Variants in NFIB observed in about 807,000 individuals in gnomAD.
The protein encoded by NFIB is nuclear factor I B.
NFIB carries 11 observed loss-of-function variants against 61.5 expected under a neutral mutation model. That is an observed-to-expected ratio of 0.18 (90% CI 0.11 to 0.30). The LOEUF (loss-of-function observed/expected upper bound fraction) is 0.30, where lower values mean the gene tolerates loss of function less well. Ranked by LOEUF, NFIB falls within the 10% of genes least tolerant of loss-of-function variation. NFIB has a pLI of 1.00. For synonymous variants in NFIB, 260 were observed against 216.5 expected (o/e 1.20, Z -1.76); for missense variants, 471 against 608.9 (o/e 0.77, Z 2.38).
At position 14,123,020 on chromosome 9, in the gene NFIB, G is replaced by A. The variant is rs545986505; in HGVS notation, c.1061-2396C>T. Among the ~76,000 whole-genome samples, 6 of 152,184 alleles carry A rather than the reference G, an allele frequency of 3.9e-5. No homozygotes were observed. The East Asian group carries it at 9.7e-4, about 25-fold the overall frequency. On this transcript the variant is annotated intron_variant, in intron 7 of 10. Transcript: ENST00000380953. ...TCCCAGCACTGTGGGAGGTCAGGGT[G>A]GGTGGAGTGGATCACTTGAGGTCAG...
At chr9:14,427,938 T>TG in the NFIB span, among the ~76,000 whole-genome samples, 14 of 56,402 alleles carry the variant, frequency 2.5e-4, no homozygotes, top group African/African-American at 1.4e-3. Flanking sequence ...AATTCAGTTG[T>TG]TTTTTTTTTT....
chr9:14,145,632 T>A (rs1267952795), intron 6 of NFIB, among the ~76,000 whole-genome samples: 5 of 149,868 alleles, frequency 3.3e-5, no homozygotes, highest in Non-Finnish European at 7.4e-5. Context: ...CTGAAAACCA[T>A]TATTCCTTTC....
the NFIB span, among the ~76,000 whole-genome samples, chr9:14,448,070 G>C: frequency 6.6e-6 from 1 of 152,144 alleles, no homozygotes; most frequent in African/African-American, 2.4e-5. Context: ...CTTGTGGTTT[G>C]ACCATATATG....
intron 2 of NFIB, among the ~76,000 whole-genome samples, chr9:14,269,518 T>C (rs1363715434): frequency 6.6e-6 from 1 of 152,216 alleles, no homozygotes; most frequent in Non-Finnish European, 1.5e-5. Flanking sequence ...CATATACATC[T>C]GTCAGGCTAT....
intron 2 of NFIB, among the ~76,000 whole-genome samples, chr9:14,212,728 T>C (rs2050445688): frequency 6.6e-6 from 1 of 152,184 alleles, no homozygotes; most frequent in Non-Finnish European, 1.5e-5. Context: ...ATTTAAGTTA[T>C]ATGATAAAAA....
At chr9:14,423,607 C>T in the NFIB span, among the ~76,000 whole-genome samples, 1 of 152,182 alleles carries the variant, frequency 6.6e-6, no homozygotes, top group Non-Finnish European at 1.5e-5. Context: ...TCCTCTCATC[C>T]ATCATTGTCC....
intron 10 of NFIB, among the ~76,000 whole-genome samples, chr9:14,111,984 T>C (rs1393249081): frequency 1.3e-5 from 2 of 152,112 alleles, no homozygotes; most frequent in Non-Finnish European, 2.9e-5. Context: ...ACAACAAGGG[T>C]ATGTGAGGTG....
At chr9:14,300,245 G>A in intron 2 of NFIB, 1 of 398,448 alleles carries the variant, frequency 2.5e-6, no homozygotes, top group Non-Finnish European at 4.4e-6. Flanking sequence ...GCTATGCTTG[G>A]CACTGGGGCA....
chr9:14,442,503 C>T, the NFIB span, among the ~76,000 whole-genome samples: 1 of 152,104 alleles, frequency 6.6e-6, no homozygotes, highest in Non-Finnish European at 1.5e-5. Flanking sequence ...AGAGACCGAT[C>T]GCCTCACAGT....
intron 7 of NFIB, among the ~76,000 whole-genome samples, chr9:14,121,882 T>C (rs1231163022): frequency 4.6e-5 from 7 of 152,118 alleles, no homozygotes; most frequent in Admixed American, 3.9e-4. Flanking sequence ...TTTTGAAATA[T>C]AAATCTTAAG....
At chr9:14,204,904 A>G (rs1292395497) in intron 2 of NFIB, 1 of 363,770 alleles carries the variant, frequency 2.7e-6, no homozygotes, top group Non-Finnish European at 5.2e-6. Flanking sequence ...AGCTGGTGGT[A>G]GCTATCAGAA....
At chr9:14,398,677 C>T (rs1348066050) in exon 1 of NFIB, 1 of 1,353,014 alleles carries the variant, frequency 7.4e-7, no homozygotes, top group East Asian at 2.6e-5. Context: ...TCTGCTTCTG[C>T]CATTTGCGCT....
Position 14,231,135 on chromosome 9 carries a change from AATATATATATATAT to A in NFIB, c.563-51369_563-51356del, listed in dbSNP as rs1554681460. On this transcript the variant is annotated intron_variant, in intron 2 of 10. Transcript: ENST00000380953. ...TTTCCATGGGGAAAAAAAAAAAAAA[AATATATATATATAT>A]ATATATATATATATATATTCGTTGA... Among the ~76,000 whole-genome samples, 38 of 35,364 alleles carry A rather than the reference AATATATATATATAT, an allele frequency of 1.1e-3. 1 individual carries two copies. Among genetic ancestry groups the A allele is most frequent in the Non-Finnish European group, 1.5e-3 (27 of 18,504 alleles). The allele number at this position is 35,364 out of a possible 152,430, so 23.2% of individuals were successfully genotyped here.
the NFIB span, among the ~76,000 whole-genome samples, chr9:14,445,489 A>G: frequency 4.9e-3 from 747 of 152,278 alleles, 5 homozygotes; most frequent in African/African-American, 0.017. Flanking sequence ...AGTTGGCATA[A>G]GAAATTTTGA....
intron 10 of NFIB, among the ~76,000 whole-genome samples, chr9:14,091,201 G>T (rs2033847263): frequency 6.6e-6 from 1 of 151,510 alleles, no homozygotes; most frequent in South Asian, 2.1e-4. Flanking sequence ...GCCAATTTAA[G>T]TTCAGAACTA....
the NFIB span, among the ~76,000 whole-genome samples, chr9:14,423,869 G>C: frequency 7.2e-5 from 11 of 152,128 alleles, no homozygotes; most frequent in African/African-American, 2.7e-4. Flanking sequence ...TATATTGAAA[G>C]TCATGAGATC....
the NFIB span, among the ~76,000 whole-genome samples, chr9:14,442,472 C>G: frequency 6.6e-5 from 10 of 152,308 alleles, no homozygotes; most frequent in Non-Finnish European, 1.5e-4. Context: ...CAAAGCACTA[C>G]CACTGGGTGG....
upstream of NFIB, among the ~76,000 whole-genome samples, chr9:14,316,786 G>A (rs1011508346): frequency 1.3e-5 from 2 of 152,094 alleles, no homozygotes; most frequent in African/African-American, 4.8e-5. Flanking sequence ...GGGAGGGGGT[G>A]GGGAAGCTCT....
At chr9:14,156,965 C>A (rs2043493875) in intron 3 of NFIB, among the ~76,000 whole-genome samples, 1 of 152,142 alleles carries the variant, frequency 6.6e-6, no homozygotes, top group Non-Finnish European at 1.5e-5. Flanking sequence ...ATGGGTAGTG[C>A]AGCAACATGG....
Sources: gnomAD v4.1 joint callset for allele counts (sites outside exome capture counted in the v4.1 genomes callset) on GRCh38, gnomAD v4.1.1 for gene constraint, MANE v1.5 for transcripts, NCBI Gene and HGNC (gene_info 2026-07-23, HGNC 2026-07-21) for gene names.